Variants in PRR5 observed in about 807,000 individuals in gnomAD.
The protein encoded by PRR5 is proline rich 5, also known as proline-rich protein 5.
PRR5 carries 25 observed loss-of-function variants against 30.6 expected under a neutral mutation model. The ratio of observed to expected loss-of-function variants is 0.82; its 90% CI spans 0.60 to 1.14. The LOEUF (loss-of-function observed/expected upper bound fraction) is 1.14. PRR5 is among the 50% of genes most tolerant of loss of function. The probability of loss-of-function intolerance (pLI) is 0.00; values close to 1 mark genes in which losing one functional copy is unlikely to be tolerated. For synonymous variants in PRR5, 286 were observed against 247.1 expected (o/e 1.16, Z -1.48); for missense variants, 600 against 547.1 (o/e 1.10, Z -0.96).
chr22:44,711,073 G>A (rs976372280), intron 1 of PRR5, among the ~76,000 whole-genome samples: 39 of 152,094 alleles, frequency 2.6e-4, no homozygotes, highest in African/African-American at 9.4e-4. Context: ...GGGAGTGTGG[G>A]TGGGAGAACA....
chr22:44,694,900 G>A (rs922067914), intron 1 of PRR5, among the ~76,000 whole-genome samples: 4 of 152,148 alleles, frequency 2.6e-5, no homozygotes, highest in Admixed American at 2.0e-4. Flanking sequence ...GCCAGGTGCC[G>A]TGACTCACAC....
At chr22:44,687,184 G>A (rs546543640) in intron 1 of PRR5, among the ~76,000 whole-genome samples, 15 of 152,242 alleles carry the variant, frequency 9.9e-5, no homozygotes, top group Admixed American at 7.8e-4. Flanking sequence ...ACATACTTTT[G>A]GGGTATGTGT....
At chr22:44,714,455 AGTGG>A in intron 1 of PRR5, 132 bp from the exon 2 acceptor site, 1 of 1,240,022 alleles carries the variant, frequency 8.1e-7, no homozygotes, top group Non-Finnish European at 1.1e-6. Flanking sequence ...TCGGAGTTGA[AGTGG>A]GTGTGAGCAG....
intron 1 of PRR5, among the ~76,000 whole-genome samples, chr22:44,696,761 C>T (rs1925788483): frequency 3.0e-5 from 3 of 100,642 alleles, no homozygotes; most frequent in African/African-American, 1.4e-4. Context: ...ATTTGAGATG[C>T]AGTCCTGCTC....
At chr22:44,724,370 G>A (rs946980577) in intron 2 of PRR5, among the ~76,000 whole-genome samples, 4 of 151,924 alleles carry the variant, frequency 2.6e-5, no homozygotes, top group African/African-American at 4.8e-5. Flanking sequence ...CGGGTTCACC[G>A]CAACCTCTAG....
Position 44,714,670 on chromosome 22 carries a change from C to T in PRR5, c.214C>T (p.Arg72Trp), listed in dbSNP as rs372648974. Reference protein sequence around the residue: ...QELFSLNEGVRQLLKTELGSF... With the variant: ...QELFSLNEGVWQLLKTELGSF... ...GCTCTTCAGCCTCAACGAGGGCGTC[C>T]GGTGAGTGCCTGTCCCACCTTGGTC... The change falls in exon 2 of 8, where the codon CGG (arginine) becomes TGG (tryptophan). Residue 72 changes from arginine to tryptophan, a missense_variant and splice_region_variant. By Grantham distance (101) the Arg-to-Trp change is moderately radical. Transcript: ENST00000336985. 4.8e-5 allele frequency: 77 copies of T among 1,613,638 alleles called. No homozygotes were observed. The highest frequency in any genetic ancestry group is 3.3e-4 in the Middle Eastern group (2 of 6,078).
At chr22:44,727,993 C>T (rs566008140) in intron 4 of PRR5, among the ~76,000 whole-genome samples, 4 of 152,364 alleles carry the variant, frequency 2.6e-5, no homozygotes, top group East Asian at 3.9e-4. Flanking sequence ...TCGCTTGATG[C>T]GGCACATTCT....
intron 2 of PRR5, among the ~76,000 whole-genome samples, chr22:44,717,319 G>A (rs1049866704): frequency 4.6e-5 from 7 of 151,172 alleles, no homozygotes; most frequent in African/African-American, 1.5e-4. Flanking sequence ...GGCCTCCTGA[G>A]TAGCTGGGAT....
intron 4 of PRR5, among the ~76,000 whole-genome samples, chr22:44,728,657 C>T (rs952855078): frequency 6.6e-6 from 1 of 152,212 alleles, no homozygotes; most frequent in Non-Finnish European, 1.5e-5. Context: ...GACATAGCCA[C>T]CTCCACATCC....
chr22:44,718,754 T>C (rs1569096698), intron 2 of PRR5, among the ~76,000 whole-genome samples: 2 of 152,246 alleles, frequency 1.3e-5, no homozygotes, highest in African/African-American at 4.8e-5. Flanking sequence ...CTGATGATGT[T>C]GAGCATCTTT....
intron 1 of PRR5, among the ~76,000 whole-genome samples, chr22:44,705,095 G>C (rs768523988): frequency 6.6e-6 from 1 of 152,160 alleles, no homozygotes; most frequent in Non-Finnish European, 1.5e-5. Flanking sequence ...GCTTCCCAGA[G>C]CTGCTGTAAC....
intron 1 of PRR5, among the ~76,000 whole-genome samples, chr22:44,681,623 C>G (rs1924294306): frequency 6.6e-6 from 1 of 151,712 alleles, no homozygotes; most frequent in African/African-American, 2.4e-5. Context: ...AGAAACATCC[C>G]TTTTTGAAGA....
chr22:44,694,133 G>T (rs1285615378), intron 1 of PRR5, among the ~76,000 whole-genome samples: 1 of 152,232 alleles, frequency 6.6e-6, no homozygotes, highest in East Asian at 1.9e-4. Context: ...CGGCCAAGAA[G>T]GGCCAGCACG....
At chr22:44,735,496 C>T (rs1923051958) in intron 7 of PRR5, among the ~76,000 whole-genome samples, 1 of 152,198 alleles carries the variant, frequency 6.6e-6, no homozygotes, top group Non-Finnish European at 1.5e-5. Context: ...CTTGAGGACT[C>T]CTGGCTCAGT....
chr22:44,719,519 A>G (rs16992660), intron 2 of PRR5, among the ~76,000 whole-genome samples: 20,340 of 152,170 alleles, frequency 0.13, 1,626 homozygotes, highest in African/African-American at 0.22. Flanking sequence ...CCTCTTAGAC[A>G]GAATCTGAGG....
chr22:44,697,002 A>G lies in PRR5; in HGVS notation c.-10-5490A>G, dbSNP rs191737183. 6.3e-3 allele frequency among the ~76,000 whole-genome samples: 952 copies of G among 152,140 alleles called. 5 individuals are homozygous for G. Among genetic ancestry groups the G allele is most frequent in the Middle Eastern group, 0.017 (5 of 294 alleles). ...TCCACTGGCCTCAGCCTCCTAAAGT[A>G]CTGGGATCACAGGCGTGAGCCACCA... On this transcript the variant is annotated intron_variant, in intron 1 of 8. Transcript: ENST00000006251.
At chr22:44,670,620 G>A (rs575887754) in intron 1 of PRR5, among the ~76,000 whole-genome samples, 1 of 152,356 alleles carries the variant, frequency 6.6e-6, no homozygotes, top group African/African-American at 2.4e-5. Flanking sequence ...ACTGGGTGGC[G>A]ATGGGGATAC....
intron 1 of PRR5, among the ~76,000 whole-genome samples, chr22:44,706,371 A>T (rs944838982): frequency 6.6e-6 from 1 of 152,190 alleles, no homozygotes; most frequent in Admixed American, 6.5e-5. Context: ...GAGTTCCCAG[A>T]GGGAGGCATT....
chr22:44,716,929 G>A (rs542501720), intron 2 of PRR5, among the ~76,000 whole-genome samples: 1 of 152,212 alleles, frequency 6.6e-6, no homozygotes, highest in South Asian at 2.1e-4. Context: ...GGGCATGGTG[G>A]CAGGCACCTG....
Sources: gnomAD v4.1 joint callset for allele counts (sites outside exome capture counted in the v4.1 genomes callset) on GRCh38, gnomAD v4.1.1 for gene constraint, MANE v1.5 for transcripts, NCBI Gene and HGNC (gene_info 2026-07-23, HGNC 2026-07-21) for gene names.